IPCEF1: variants seen among roughly 807,000 people sequenced by gnomAD.
The protein encoded by IPCEF1 is interactor protein for cytohesin exchange factors 1.
A neutral mutation model predicts 50.9 loss-of-function variants in IPCEF1; 31 were observed. The ratio of observed to expected loss-of-function variants is 0.61; its 90% CI spans 0.46 to 0.82. IPCEF1 has a LOEUF of 0.82. IPCEF1 is among the 40% of genes least tolerant of loss of function. The probability of loss-of-function intolerance (pLI) is 0.00; values close to 1 mark genes in which losing one functional copy is unlikely to be tolerated. For synonymous variants in IPCEF1, 181 were observed against 192.0 expected (o/e 0.94, Z 0.47); for missense variants, 458 against 514.0 (o/e 0.89, Z 1.05).
intron 1 of IPCEF1, among the ~76,000 whole-genome samples, chr6:154,291,571 T>C (rs952208040): frequency 2.6e-5 from 4 of 152,178 alleles, no homozygotes; most frequent in African/African-American, 9.6e-5. Context: ...GCTGAACCAT[T>C]TGAGTCACTT....
intron 1 of IPCEF1, among the ~76,000 whole-genome samples, chr6:154,342,929 C>T (rs995198958): frequency 3.9e-5 from 6 of 152,070 alleles, no homozygotes; most frequent in East Asian, 1.9e-4. Flanking sequence ...CCTGGGCATA[C>T]GGCAAGACCC....
chr6:154,292,559 C>T (rs1271326438), intron 1 of IPCEF1, among the ~76,000 whole-genome samples: 5 of 152,048 alleles, frequency 3.3e-5, no homozygotes, highest in Non-Finnish European at 5.9e-5. Flanking sequence ...ATAGAATTAC[C>T]GTAAAAATCA....
chr6:154,354,288 C>T (rs1231342418), intron 1 of IPCEF1, among the ~76,000 whole-genome samples: 6 of 152,136 alleles, frequency 3.9e-5, no homozygotes, highest in African/African-American at 1.4e-4. Flanking sequence ...CCATCACCTC[C>T]AACCACCATC....
intron 2 of IPCEF1, among the ~76,000 whole-genome samples, chr6:154,287,345 CT>C (rs1782389711): frequency 6.6e-6 from 1 of 152,068 alleles, no homozygotes; most frequent in African/African-American, 2.4e-5. Flanking sequence ...TCAGGTAGTT[CT>C]TTATAGCAGT....
intron 3 of IPCEF1, among the ~76,000 whole-genome samples, chr6:154,250,129 G>A (rs2141289): frequency 0.85 from 128,523 of 152,092 alleles, 55,148 homozygotes; most frequent in African/African-American, 0.89. Flanking sequence ...ATATGAGACA[G>A]TGAAAACAAT....
At chr6:154,348,727 G>A (rs995985087) in intron 1 of IPCEF1, among the ~76,000 whole-genome samples, 5 of 152,074 alleles carry the variant, frequency 3.3e-5, no homozygotes, top group Non-Finnish European at 7.4e-5. Context: ...GCTTTTAATC[G>A]GTGGAAAGAA....
In IPCEF1 at chr6:154,200,006, A is replaced by AGGG. The variant is rs1776933544; in HGVS notation, c.571_572insCCC (p.Ser190_Leu191insPro). The AGGG allele has an allele frequency of 1.9e-6, 3 of 1,613,960 alleles. No homozygotes were observed. The highest frequency in any genetic ancestry group is 2.5e-6 in the Non-Finnish European group (3 of 1,179,944). ...AGAGAAAGAATACGACGTTCCACTC[A>AGGG]GGCTGGGTGAGGATGAAGATGCCTG... is the stretch of plus-strand genomic sequence containing the variant. On this transcript the variant is annotated inframe_insertion, in exon 10 of 12. Transcript: ENST00000367220.
In IPCEF1 at chr6:154,288,687, A is replaced by C. The variant is rs1427922071; in HGVS notation, c.-18+1026T>G. The stretch of plus-strand genomic sequence containing the variant: ...AAAAACAAAAAAAACAAAAAAAAAA[A>C]AAAAAAAAAAAAAAAAAACTGTAAA... On this transcript the variant is annotated intron_variant, in intron 2 of 11. Coordinates refer to ENST00000367220, the MANE Select transcript of IPCEF1 (RefSeq NM_001130700.2). Among the ~76,000 whole-genome samples, 258 of 104,480 alleles carry C rather than the reference A, an allele frequency of 2.5e-3. 1 individual carries two copies. Among genetic ancestry groups the C allele is most frequent in the South Asian group, 8.4e-3 (33 of 3,910 alleles). 68.5% of individuals were successfully genotyped at this position (104,480 alleles called of 152,430 possible).
At chr6:154,177,288 G>A (rs150970155) in intron 10 of IPCEF1, among the ~76,000 whole-genome samples, 103 of 152,232 alleles carry the variant, frequency 6.8e-4, no homozygotes, top group Middle Eastern at 3.4e-3. Context: ...ATTGACAAAC[G>A]GGATCTAATT....
chr6:154,333,942 A>C (rs1783733519), intron 1 of IPCEF1, among the ~76,000 whole-genome samples: 2 of 152,192 alleles, frequency 1.3e-5, no homozygotes, highest in South Asian at 4.1e-4. Context: ...GAAATAAATA[A>C]ATAAAGTATA....
At chr6:154,337,299 C>T (rs1454652425) in intron 1 of IPCEF1, among the ~76,000 whole-genome samples, 1 of 152,166 alleles carries the variant, frequency 6.6e-6, no homozygotes, top group Non-Finnish European at 1.5e-5. Flanking sequence ...TTTGAGAAAA[C>T]AGCTTCCTAC....
At position 154,353,277 on chromosome 6, in the gene IPCEF1, T is replaced by C. The variant is rs566964423; in HGVS notation, c.-62+3395A>G. 6.6e-5 allele frequency among the ~76,000 whole-genome samples: 10 copies of C among 151,900 alleles called. No individual in the cohort carries two copies. In the South Asian group the frequency reaches 2.1e-3, roughly 32 times the overall value. ...GGAGGGTTACATTTTTGTCCATTTC[T>C]TTTCTTTTCCTTTTCCTTTTTTTTT... On this transcript the variant is annotated intron_variant, in intron 1 of 11. Coordinates refer to ENST00000367220, the MANE Select transcript of IPCEF1 (RefSeq NM_001130700.2).
intron 1 of IPCEF1, among the ~76,000 whole-genome samples, chr6:154,304,156 A>G (rs1782870486): frequency 6.6e-6 from 1 of 152,106 alleles, no homozygotes. Flanking sequence ...CAGAAGTTTG[A>G]GGCTGCAGTG....
At chr6:154,334,553 C>T (rs151092616) in intron 1 of IPCEF1, among the ~76,000 whole-genome samples, 3,407 of 152,238 alleles carry the variant, frequency 0.022, 59 homozygotes, top group Middle Eastern at 0.075. Context: ...CTGGGAGGCA[C>T]GAAGGAGCAG....
intron 3 of IPCEF1, among the ~76,000 whole-genome samples, chr6:154,256,999 A>C (rs1173267941): frequency 2.0e-5 from 3 of 152,194 alleles, no homozygotes; most frequent in Non-Finnish European, 4.4e-5. Context: ...CTAAGCTATG[A>C]TGTTCAGTAG....
intron 2 of IPCEF1, among the ~76,000 whole-genome samples, chr6:154,275,203 C>T (rs563540804): frequency 3.9e-4 from 60 of 152,270 alleles, no homozygotes; most frequent in African/African-American, 1.3e-3. Flanking sequence ...TATGCTGAAG[C>T]GTGATTCTAA....
intron 1 of IPCEF1, among the ~76,000 whole-genome samples, chr6:154,321,367 G>A (rs1376506790): frequency 1.3e-5 from 2 of 151,922 alleles, no homozygotes; most frequent in Non-Finnish European, 2.9e-5. Flanking sequence ...TACAGATGAT[G>A]CAAAATAGTT....
At chr6:154,164,073 A>G (rs1195071391) in intron 11 of IPCEF1, among the ~76,000 whole-genome samples, 2 of 152,214 alleles carry the variant, frequency 1.3e-5, no homozygotes, top group Non-Finnish European at 2.9e-5. Context: ...ATATCACCAT[A>G]CTGCTATTAA....
intron 5 of IPCEF1, among the ~76,000 whole-genome samples, chr6:154,227,781 G>T (rs759473320): frequency 1.4e-4 from 22 of 152,070 alleles, no homozygotes; most frequent in Non-Finnish European, 2.6e-4. Context: ...ATCTTCATTT[G>T]GGTGGATTCC....
Sources: allele counts gnomAD v4.1 joint callset (sites outside exome capture counted in the v4.1 genomes callset), GRCh38; gene constraint gnomAD v4.1.1; transcripts MANE v1.5; gene names NCBI Gene and HGNC (gene_info 2026-07-23, HGNC 2026-07-21).